ANAPC4: variants seen among roughly 807,000 people sequenced by gnomAD.
The protein encoded by ANAPC4 is anaphase promoting complex subunit 4.
A neutral mutation model predicts 119.8 loss-of-function variants in ANAPC4; 63 were observed. That is an observed-to-expected ratio of 0.53 (90% CI 0.43 to 0.65). The LOEUF (loss-of-function observed/expected upper bound fraction) is 0.65. Ranked by LOEUF, ANAPC4 falls within the 30% of genes least tolerant of loss-of-function variation. ANAPC4 has a pLI of 0.00. For missense variants in ANAPC4, 716 were observed against 945.1 expected, an observed-to-expected ratio of 0.76 and a Z score of 3.18; for synonymous variants, 283 against 318.6, an observed-to-expected ratio of 0.89 and a Z score of 1.19.
chr4:25,386,285 T>G (rs1404192070), intron 4 of ANAPC4, among the ~76,000 whole-genome samples: 2 of 152,154 alleles, frequency 1.3e-5, no homozygotes, highest in Non-Finnish European at 1.5e-5. Flanking sequence ...CAATTTCAGC[T>G]CACTGTAGCC....
At chr4:25,394,543 G>A (rs138178865) in intron 12 of ANAPC4, 128 bp from the exon 13 acceptor site, 60 of 1,122,728 alleles carry the variant, frequency 5.3e-5, no homozygotes, top group East Asian at 1.3e-4. Flanking sequence ...TGTTACATGC[G>A]TAGAATTTTT....
intron 26 of ANAPC4, 42 bp downstream of exon 26, chr4:25,415,582 G>A: frequency 4.6e-6 from 7 of 1,528,064 alleles, no homozygotes; most frequent in Non-Finnish European, 6.3e-6. Flanking sequence ...AGATACATGT[G>A]ATATGTGTAT....
chr4:25,394,860 C>A lies in ANAPC4; in HGVS notation c.1016C>A (p.Ser339Ter). 1 of 1,613,100 alleles carries A rather than the reference C, an allele frequency of 6.2e-7. No homozygotes were observed. The highest frequency in any genetic ancestry group is 1.1e-5 in the South Asian group (1 of 90,832). Residue 339 changes from serine (S) to a stop codon, truncating the protein, a stop_gained, in exon 14 of 29, where the codon TCA becomes TAA. Coordinates refer to ENST00000315368, the MANE Select transcript of ANAPC4 (RefSeq NM_013367.3). LOFTEE classifies it high-confidence loss of function. The part of the protein sequence containing the change: ...GLKKLGQSIE[S>*]SYSSIQKLVI... ...AAAAAGCTTGGCCAGTCTATAGAGT[C>A]ATCATACTCCAGTATACAAAAATTG...
At position 25,416,582 on chromosome 4, in the gene ANAPC4, G is replaced by T; in HGVS notation, c.2059G>T (p.Gly687Trp). 6.5e-7 allele frequency: 1 copy of T among 1,548,928 alleles called. No individual in the cohort carries two copies. The highest frequency in any genetic ancestry group is 1.4e-5 in the African/African-American group (1 of 73,498). ...SEDSAEYQFT[G>W]TYSTRLDEQC... ...AGATTCTGCAGAATATCAGTTCACT[G>T]GGACTTATTCTACAAGGTAACTAGT... is the stretch of plus-strand genomic sequence containing the variant. The change falls in exon 27 of 29, where the codon GGG becomes TGG. Residue 687 changes from glycine (G) to tryptophan (W), a missense_variant. By Grantham distance (184) the Gly-to-Trp change is radical (BLOSUM62 -2). Transcript: ENST00000315368.
intron 4 of ANAPC4, among the ~76,000 whole-genome samples, chr4:25,387,229 G>T (rs560163294): frequency 6.6e-6 from 1 of 152,308 alleles, no homozygotes; most frequent in South Asian, 2.1e-4. Context: ...GGAGGAATCA[G>T]TGGGTTTGGC....
intron 3 of ANAPC4, among the ~76,000 whole-genome samples, chr4:25,381,628 G>T (rs1163855298): frequency 6.6e-6 from 1 of 151,040 alleles, no homozygotes; most frequent in African/African-American, 2.4e-5. Context: ...GCTTAATTTT[G>T]TCCCTACATA....
rs192962868 is a variant in ANAPC4, at chr4:25,383,184, T to C, written c.236-77T>C. On this transcript the variant is annotated intron_variant, in intron 3 of 28. Transcript: ENST00000315368. Reference sequence around the variant, plus strand: ...GAAGATGCACTTAAAAGAGTAAAACTGGGCAATAAGGGAAATACCCATTTA... The same window carrying C: ...GAAGATGCACTTAAAAGAGTAAAACCGGGCAATAAGGGAAATACCCATTTA... 2.4e-4 allele frequency: 326 copies of C among 1,354,216 alleles called. 5 individuals are homozygous for C. In the East Asian group the frequency reaches 4.6e-3, roughly 19 times the overall value. 83.9% of individuals were successfully genotyped at this position (1,354,216 alleles called of 1,614,324 possible). A position where few individuals can be genotyped will look rare whatever the true frequency, so the allele number is the denominator to read the frequency against.
chr4:25,381,758 G>A (rs2109109471), intron 3 of ANAPC4, among the ~76,000 whole-genome samples: 1 of 152,298 alleles, frequency 6.6e-6, no homozygotes, highest in South Asian at 2.1e-4. Context: ...GACCAGCCTG[G>A]CCAATATGGT....
At position 25,414,543 on chromosome 4, in the gene ANAPC4, C is replaced by T. The variant is rs575338980; in HGVS notation, c.1724+39C>T. On this transcript the variant is annotated intron_variant, in intron 24 of 28. Transcript: ENST00000315368. Reference sequence around the variant, plus strand: ...TCTTCCCTATCTTGAGTGAACAATACAATTTTGTTTTATCCATCAATAGTT... The same window carrying T: ...TCTTCCCTATCTTGAGTGAACAATATAATTTTGTTTTATCCATCAATAGTT... 1.1e-5 allele frequency: 17 copies of T among 1,576,414 alleles called. No homozygotes were observed. In the East Asian group the frequency reaches 3.6e-4, roughly 33 times the overall value.
intron 10 of ANAPC4, 130 bp downstream of exon 10, chr4:25,392,551 A>C: frequency 1.6e-6 from 1 of 637,366 alleles, no homozygotes. Flanking sequence ...AGATGATCTT[A>C]TAAGGTCCAT....
chr4:25,383,289 G>T lies in ANAPC4; in HGVS notation c.264G>T (p.Lys88Asn), dbSNP rs201839196. The change falls in exon 4 of 29, where the codon AAG becomes AAT. Residue 88 changes from lysine (K) to asparagine (N), a missense_variant. Physicochemically the swap from Lys to Asn is moderately conservative, Grantham distance 94. This residue lies in a region of ANAPC4 where 202 missense variants were observed against 293.5 expected (regional missense o/e 0.69). Transcript: ENST00000315368. The part of the protein sequence containing the change: ...KLLAFALADT[K>N]KIVLCDVEKP... ...TGGCCTTTGCTCTTGCTGATACCAAGAAAATTGTTTTGTGTGATGTAGAAA... is the reference window on the plus strand; with the variant it reads ...TGGCCTTTGCTCTTGCTGATACCAATAAAATTGTTTTGTGTGATGTAGAAA... 1 of 1,610,384 alleles carries T rather than the reference G, an allele frequency of 6.2e-7. No individual in the cohort carries two copies. The highest frequency in any genetic ancestry group is 8.5e-7 in the Non-Finnish European group (1 of 1,178,812).
intron 3 of ANAPC4, among the ~76,000 whole-genome samples, chr4:25,381,689 C>T (rs1721736668): frequency 6.6e-6 from 1 of 152,080 alleles, no homozygotes. Flanking sequence ...GTGGCTCACG[C>T]CTGTAATCCC....
At chr4:25,393,201 A>C (rs1722450956) in intron 10 of ANAPC4, among the ~76,000 whole-genome samples, 1 of 152,202 alleles carries the variant, frequency 6.6e-6, no homozygotes, top group Non-Finnish European at 1.5e-5. Context: ...CAGTATTTTG[A>C]CAGTTAGTGT....
intron 4 of ANAPC4, among the ~76,000 whole-genome samples, chr4:25,384,116 C>T (rs1721894398): frequency 1.3e-5 from 2 of 152,226 alleles, no homozygotes; most frequent in African/African-American, 4.8e-5. Flanking sequence ...GTCATGTCAA[C>T]ATTGCTCATA....
chr4:25,383,891 G>A (rs1380815216), intron 4 of ANAPC4, among the ~76,000 whole-genome samples: 3 of 152,204 alleles, frequency 2.0e-5, no homozygotes, highest in East Asian at 1.9e-4. Flanking sequence ...GGTGGCAGCC[G>A]AAGGTTAAGG....
In ANAPC4 at chr4:25,386,786, T is replaced by C. The variant is rs369805126; in HGVS notation, c.369-1714T>C. On this transcript the variant is annotated intron_variant, in intron 4 of 28. Transcript: ENST00000315368. ...AAAATGCAGTATCTGGGAAGCAGGA[T>C]GAAGGGAAGCACAATTGAAGGAGAT... Among the ~76,000 whole-genome samples, 16 of 152,240 alleles carry C rather than the reference T, an allele frequency of 1.1e-4. No homozygotes were observed. The East Asian group carries it at 1.7e-3, about 17-fold the overall frequency.
At chr4:25,416,280 A>G (rs1191846429) in intron 26 of ANAPC4, 145 bp from the exon 27 acceptor site, 1 of 471,288 alleles carries the variant, frequency 2.1e-6, no homozygotes, top group East Asian at 3.3e-5. Context: ...TTTAATACAA[A>G]CCAATGATAT....
intron 17 of ANAPC4, among the ~76,000 whole-genome samples, chr4:25,404,051 C>T (rs1048903601): frequency 1.9e-4 from 29 of 152,166 alleles, no homozygotes; most frequent in African/African-American, 6.8e-4. Context: ...TGTAATTTAT[C>T]TCACACTTGT....
intron 3 of ANAPC4, 60 bp downstream of exon 3, chr4:25,380,539 C>G: frequency 1.6e-6 from 2 of 1,246,182 alleles, no homozygotes; most frequent in Non-Finnish European, 2.2e-6. Flanking sequence ...TTCTGTAAAG[C>G]CCATTTTCAG....
Sources: gnomAD v4.1 joint callset for allele counts (sites outside exome capture counted in the v4.1 genomes callset) on GRCh38, gnomAD v4.1.1 for gene constraint, gnomAD v4.1.1 regional missense constraint, MANE v1.5 for transcripts, NCBI Gene and HGNC (gene_info 2026-07-23, HGNC 2026-07-21) for gene names.